The following PDE6C variants were observed in gnomAD, a reference collection of about 807,000 sequenced individuals.
PDE6C encodes phosphodiesterase 6C.
PDE6C carries 75 observed loss-of-function variants against 113.1 expected under a neutral mutation model. That is an observed-to-expected ratio of 0.66 (90% CI 0.55 to 0.80). The LOEUF is 0.80. Among genes scored for constraint, PDE6C ranks in the 30% least tolerant of loss-of-function variants. PDE6C has a pLI of 0.00. For synonymous variants in PDE6C, 375 were observed against 363.7 expected (o/e 1.03, Z -0.35); for missense variants, 912 against 1,038.6 (o/e 0.88, Z 1.67).
chr10:93,663,614 G>T (rs1335917200), intron 21 of PDE6C, among the ~76,000 whole-genome samples: 1 of 152,156 alleles, frequency 6.6e-6, no homozygotes. Flanking sequence ...GTAATGAGGT[G>T]GTTTTACAGA....
chr10:93,627,719 G>A (rs894673460), intron 7 of PDE6C, among the ~76,000 whole-genome samples: 4 of 152,078 alleles, frequency 2.6e-5, no homozygotes, highest in Non-Finnish European at 5.9e-5. Context: ...GCTGCTTTTT[G>A]CCTCTTCAAA....
At chr10:93,636,370 G>C (rs907992137) in intron 10 of PDE6C, among the ~76,000 whole-genome samples, 4 of 84,962 alleles carry the variant, frequency 4.7e-5, no homozygotes, top group Admixed American at 1.2e-4. Context: ...CCCTGGCTTT[G>C]TGTGTGTGTG....
intron 12 of PDE6C, 24 bp downstream of exon 12, chr10:93,640,240 T>C (rs1164206648): frequency 1.3e-6 from 2 of 1,599,704 alleles, no homozygotes; most frequent in Admixed American, 1.7e-5. Flanking sequence ...TAATTTAAAA[T>C]ACTGTGTGAT....
chr10:93,660,199 C>T (rs2133877943), intron 18 of PDE6C, among the ~76,000 whole-genome samples: 1 of 152,044 alleles, frequency 6.6e-6, no homozygotes, highest in East Asian at 1.9e-4. Context: ...TGACTGAGGC[C>T]CCTATAACAA....
At chr10:93,649,032 C>T (rs2133871433) in intron 15 of PDE6C, among the ~76,000 whole-genome samples, 1 of 152,308 alleles carries the variant, frequency 6.6e-6, no homozygotes, top group South Asian at 2.1e-4. Context: ...ACGGCCTGTA[C>T]TTTCCCTGGC....
At chr10:93,663,339 CT>C (rs2058675129) in intron 21 of PDE6C, among the ~76,000 whole-genome samples, 161 bp downstream of exon 21, 1 of 152,168 alleles carries the variant, frequency 6.6e-6, no homozygotes, top group Non-Finnish European at 1.5e-5. Context: ...TCAGGTCCCC[CT>C]GGCCCTGCCA....
At chr10:93,649,151 A>T (rs188980665) in intron 15 of PDE6C, among the ~76,000 whole-genome samples, 88 of 152,290 alleles carry the variant, frequency 5.8e-4, no homozygotes, top group South Asian at 1.7e-3. Context: ...AGTCAGGGAA[A>T]ATAAAAAAGA....
In PDE6C at chr10:93,613,207, T is replaced by C. The variant is rs1177323232; in HGVS notation, c.480+2T>C. On this transcript the variant is annotated splice_donor_variant, in intron 1 of 21. Transcript: ENST00000371447. LOFTEE classifies it high-confidence loss of function. ...CATAATGTCCCAGATGTGAAAAAGG[T>C]AGGTGGCCTTATGACAGTGGGGCAG... 3.1e-6 allele frequency: 5 copies of C among 1,613,320 alleles called. No homozygotes were observed. The highest frequency in any genetic ancestry group is 1.1e-5 in the South Asian group (1 of 91,068).
intron 14 of PDE6C, among the ~76,000 whole-genome samples, chr10:93,643,950 C>T (rs1188053262): frequency 6.6e-6 from 1 of 152,100 alleles, no homozygotes; most frequent in African/African-American, 2.4e-5. Context: ...TCAAGGAGCA[C>T]ACTTTGCATT....
chr10:93,613,767 T>A (rs928703838), intron 1 of PDE6C, among the ~76,000 whole-genome samples: 1 of 152,204 alleles, frequency 6.6e-6, no homozygotes, highest in Non-Finnish European at 1.5e-5. Flanking sequence ...ATGTTCAAAT[T>A]TGGAATTCAT....
chr10:93,630,734 G>A (rs1427683949), intron 8 of PDE6C, among the ~76,000 whole-genome samples: 2 of 152,158 alleles, frequency 1.3e-5, no homozygotes, highest in Non-Finnish European at 2.9e-5. Flanking sequence ...GCTGCAGCGT[G>A]CCTCCTTAGC....
Position 93,650,411 on chromosome 10 carries a change from T to C in PDE6C, c.1935+4364T>C, listed in dbSNP as rs536186411. On this transcript the variant is annotated intron_variant, in intron 15 of 21. Transcript: ENST00000371447. Reference sequence around the variant, plus strand: ...ACAGACATGAGTCTCTATACCTGGCTAATGTTTTGTATTTTTTGTAGAAAT... The same window carrying C: ...ACAGACATGAGTCTCTATACCTGGCCAATGTTTTGTATTTTTTGTAGAAAT... 3.9e-5 allele frequency among the ~76,000 whole-genome samples: 6 copies of C among 152,222 alleles called. No homozygotes were observed. In the South Asian group the frequency reaches 1.2e-3, roughly 32 times the overall value.
intron 8 of PDE6C, among the ~76,000 whole-genome samples, chr10:93,633,482 A>G: frequency 7.0e-6 from 1 of 143,862 alleles, no homozygotes; most frequent in Non-Finnish European, 1.5e-5. Flanking sequence ...AAAAAAAAAT[A>G]AAAAAAAATA....
chr10:93,663,798 A>G lies in PDE6C; in HGVS notation c.2518+620A>G, dbSNP rs1403583267. Among the ~76,000 whole-genome samples, 8 of 152,214 alleles carry G rather than the reference A, an allele frequency of 5.3e-5. No individual in the cohort carries two copies. In the East Asian group the frequency reaches 1.2e-3, roughly 22 times the overall value. ...GTTTAATGTTGTTTTTGGATTCTTA[A>G]AATGCTTAGGATTAACTATTAGTTC... On this transcript the variant is annotated intron_variant, in intron 21 of 21. Transcript: ENST00000371447.
At chr10:93,630,413 C>T (rs1190330357) in intron 8 of PDE6C, among the ~76,000 whole-genome samples, 1 of 149,260 alleles carries the variant, frequency 6.7e-6, no homozygotes, top group Non-Finnish European at 1.5e-5. Flanking sequence ...CACCTGTCAT[C>T]TCTGCCACTC....
chr10:93,612,666 C>G lies in PDE6C; in HGVS notation c.-60C>G. On this transcript the variant is annotated 5_prime_UTR_variant, in exon 1 of 22. Transcript: ENST00000371447. Reference sequence around the variant, plus strand: ...GATGAATTTCCTTCTCATCACTCTGCCTCAGGTAGTGCTCTGAAGGTCGTC... The same window carrying G: ...GATGAATTTCCTTCTCATCACTCTGGCTCAGGTAGTGCTCTGAAGGTCGTC... 6.2e-7 allele frequency: 1 copy of G among 1,609,542 alleles called. No individual in the cohort carries two copies. The highest frequency in any genetic ancestry group is 8.5e-7 in the Non-Finnish European group (1 of 1,178,360).
Position 93,612,565 on chromosome 10 carries a change from G to T in PDE6C, c.-161G>T. 1.1e-6 allele frequency: 1 copy of T among 943,616 alleles called. No homozygotes were observed. The highest frequency in any genetic ancestry group is 1.7e-6 in the Non-Finnish European group (1 of 602,240). The allele number at this position is 943,616 out of a possible 1,614,324, so 58.5% of individuals were successfully genotyped here. A position where few individuals can be genotyped will look rare whatever the true frequency, so the allele number is the denominator to read the frequency against. Reference sequence around the variant, plus strand: ...ACATCCCAAGAGTTACAGGCAGTTTGAAAGCTCTGCTTTCTGCTTGACCTT... The same window carrying T: ...ACATCCCAAGAGTTACAGGCAGTTTTAAAGCTCTGCTTTCTGCTTGACCTT... On this transcript the variant is annotated 5_prime_UTR_variant, in exon 1 of 22. Coordinates refer to ENST00000371447, the MANE Select transcript of PDE6C (RefSeq NM_006204.4).
chr10:93,616,377 T>C (rs1422283334), intron 1 of PDE6C, among the ~76,000 whole-genome samples: 3 of 152,106 alleles, frequency 2.0e-5, no homozygotes, highest in Non-Finnish European at 4.4e-5. Context: ...AAGCCACTAG[T>C]ATAGGGAGAG....
chr10:93,659,055 C>T (rs747461529), intron 17 of PDE6C, 47 bp downstream of exon 17: 3 of 1,570,594 alleles, frequency 1.9e-6, no homozygotes, highest in Non-Finnish European at 2.6e-6. Context: ...GTAAAAATAA[C>T]TTATTTTGTA....
Sources: allele counts gnomAD v4.1 joint callset (sites outside exome capture counted in the v4.1 genomes callset), GRCh38; gene constraint gnomAD v4.1.1; transcripts MANE v1.5; gene names NCBI Gene and HGNC (gene_info 2026-07-23, HGNC 2026-07-21).